The following TMEM132D variants were observed in gnomAD, a reference collection of about 807,000 sequenced individuals.
The protein encoded by TMEM132D is mature OL transmembrane protein.
In TMEM132D, 21 loss-of-function variants were observed where a neutral mutation model predicts 62.3. The observed-to-expected ratio is 0.34, with a 90% CI of 0.24 to 0.49. The LOEUF (loss-of-function observed/expected upper bound fraction) is 0.49, where lower values mean the gene tolerates loss of function less well. TMEM132D is among the 20% of genes least tolerant of loss of function. TMEM132D has a pLI of 0.99. For synonymous variants in TMEM132D, 621 were observed against 575.6 expected (o/e 1.08, Z -1.13); for missense variants, 1,346 against 1,402.8 (o/e 0.96, Z 0.65).
intron 4 of TMEM132D, among the ~76,000 whole-genome samples, chr12:129,330,696 AC>A (rs1467209000): frequency 1.3e-5 from 2 of 152,210 alleles, no homozygotes; most frequent in Non-Finnish European, 2.9e-5. Flanking sequence ...AGAGTTCCCC[AC>A]CAGCAAGAAG....
intron 1 of TMEM132D, among the ~76,000 whole-genome samples, chr12:129,724,224 G>A (rs1045595630): frequency 6.6e-6 from 1 of 152,210 alleles, no homozygotes; most frequent in Non-Finnish European, 1.5e-5. Context: ...AAGCAACACT[G>A]CTCTTCATTT....
At chr12:129,345,269 T>G (rs902048168) in intron 3 of TMEM132D, among the ~76,000 whole-genome samples, 2 of 152,206 alleles carry the variant, frequency 1.3e-5, no homozygotes, top group South Asian at 4.1e-4. Flanking sequence ...GATCCCCTCA[T>G]TAATGCAGCT....
chr12:129,784,588 ATC>A (rs1392897100), intron 1 of TMEM132D, among the ~76,000 whole-genome samples: 14 of 152,054 alleles, frequency 9.2e-5, no homozygotes, highest in Non-Finnish European at 1.9e-4. Context: ...TATAATTTCC[ATC>A]TCTTTTTCTC....
At chr12:129,801,434 A>G (rs1593167363) in intron 1 of TMEM132D, among the ~76,000 whole-genome samples, 1 of 151,506 alleles carries the variant, frequency 6.6e-6, no homozygotes, top group Non-Finnish European at 1.5e-5. Flanking sequence ...GCACACTGAC[A>G]CCTCACACGG....
At chr12:129,801,037 A>G (rs574646477) in intron 1 of TMEM132D, among the ~76,000 whole-genome samples, 20 of 152,318 alleles carry the variant, frequency 1.3e-4, no homozygotes, top group African/African-American at 4.8e-4. Context: ...CCAGGAGATT[A>G]TATCCCGCAC....
intron 3 of TMEM132D, among the ~76,000 whole-genome samples, chr12:129,413,071 C>G (rs1047623543): frequency 6.6e-6 from 1 of 152,162 alleles, no homozygotes; most frequent in Non-Finnish European, 1.5e-5. Context: ...TTAACACATT[C>G]TCTAGTAATT....
chr12:129,324,420 C>A (rs1424838440), intron 4 of TMEM132D, among the ~76,000 whole-genome samples: 2 of 152,236 alleles, frequency 1.3e-5, no homozygotes, highest in Non-Finnish European at 2.9e-5. Context: ...AGACTCCACA[C>A]ACACAACACA....
chr12:129,348,212 C>A (rs763347474), intron 3 of TMEM132D, among the ~76,000 whole-genome samples: 3 of 152,162 alleles, frequency 2.0e-5, no homozygotes, highest in Non-Finnish European at 2.9e-5. Flanking sequence ...TGGGTATATA[C>A]CCAAGGGATT....
At chr12:129,132,496 T>A (rs1189650726) in intron 5 of TMEM132D, among the ~76,000 whole-genome samples, 1 of 152,208 alleles carries the variant, frequency 6.6e-6, no homozygotes, top group Non-Finnish European at 1.5e-5. Flanking sequence ...AAATTTCAAG[T>A]ATATAACACA....
At chr12:129,430,425 G>T (rs563297519) in intron 3 of TMEM132D, among the ~76,000 whole-genome samples, 107 of 152,166 alleles carry the variant, frequency 7.0e-4, no homozygotes, top group African/African-American at 2.5e-3. Flanking sequence ...CTTTTTGATG[G>T]GGTTTTTTCT....
chr12:129,247,659 A>C (rs1880156780), intron 4 of TMEM132D, among the ~76,000 whole-genome samples: 1 of 152,238 alleles, frequency 6.6e-6, no homozygotes, highest in Non-Finnish European at 1.5e-5. Context: ...TTCAGAATGG[A>C]GAGAACAGTC....
chr12:129,551,133 T>A (rs1876883587), intron 2 of TMEM132D, among the ~76,000 whole-genome samples: 1 of 152,236 alleles, frequency 6.6e-6, no homozygotes. Flanking sequence ...GATCCCAAGC[T>A]TCAGGGATCT....
intron 3 of TMEM132D, among the ~76,000 whole-genome samples, chr12:129,515,701 G>A (rs543033198): frequency 3.7e-4 from 56 of 152,066 alleles, no homozygotes; most frequent in Non-Finnish European, 7.1e-4. Flanking sequence ...GAAGGCCAGG[G>A]GGAATCTAAA....
rs188555607 is a variant in TMEM132D, at chr12:129,435,064, G to A, written c.1115+95995C>T. Among the ~76,000 whole-genome samples, 46 of 152,270 alleles carry A rather than the reference G, an allele frequency of 3.0e-4. No individual in the cohort carries two copies. In the East Asian group the frequency reaches 6.9e-3, roughly 23 times the overall value. ...TTCCACACAGGCGTGCGAATGTACCGTATTTGTCCTTCTGTTCCTGGCTTA... is the reference window on the plus strand; with the variant it reads ...TTCCACACAGGCGTGCGAATGTACCATATTTGTCCTTCTGTTCCTGGCTTA... On this transcript the variant is annotated intron_variant, in intron 3 of 8. Transcript: ENST00000422113.
At chr12:129,316,761 A>G (rs1301613408) in intron 4 of TMEM132D, among the ~76,000 whole-genome samples, 1 of 152,028 alleles carries the variant, frequency 6.6e-6, no homozygotes, top group Admixed American at 6.6e-5. Context: ...GTCCCCCACT[A>G]TTATTGTGTT....
intron 5 of TMEM132D, among the ~76,000 whole-genome samples, chr12:129,167,186 T>C (rs531556846): frequency 6.2e-5 from 9 of 145,236 alleles, no homozygotes; most frequent in Non-Finnish European, 7.5e-5. Flanking sequence ...AAAAAACCAG[T>C]GCCAACATGG....
At chr12:129,405,229 G>T (rs61627657) in intron 3 of TMEM132D, among the ~76,000 whole-genome samples, 2,475 of 152,006 alleles carry the variant, frequency 0.016, 72 homozygotes, top group African/African-American at 0.056. Flanking sequence ...TCTCTTACTG[G>T]CCTGCGGACA....
intron 3 of TMEM132D, among the ~76,000 whole-genome samples, chr12:129,429,103 G>GTCCTTGAAGTTACTCACTGTAGTCCAAAA (rs1566065669): frequency 5.4e-4 from 75 of 138,378 alleles, no homozygotes; most frequent in East Asian, 2.3e-3. Context: ...GTAGTCCAAA[G>GTCCTTGAAGTTACTCACTGTAGTCCAAAA]TCCTTCAAGT....
intron 3 of TMEM132D, among the ~76,000 whole-genome samples, chr12:129,487,255 C>T (rs1054856023): frequency 2.0e-5 from 3 of 152,142 alleles, no homozygotes; most frequent in African/African-American, 7.2e-5. Context: ...AGAAGCAGCC[C>T]CAGATGCCGT....
Sources: allele counts gnomAD v4.1 joint callset (sites outside exome capture counted in the v4.1 genomes callset), GRCh38; gene constraint gnomAD v4.1.1; transcripts MANE v1.5; gene names NCBI Gene and HGNC (gene_info 2026-07-23, HGNC 2026-07-21).